The following SLC38A9 variants were observed in gnomAD, a reference collection of about 807,000 sequenced individuals.
The protein encoded by SLC38A9 is solute carrier family 38 member 9.
SLC38A9 carries 48 observed loss-of-function variants against 62.3 expected under a neutral mutation model. The ratio of observed to expected loss-of-function variants is 0.77; its 90% CI spans 0.61 to 0.98. The LOEUF is 0.98. Ranked by LOEUF, SLC38A9 falls within the 50% of genes least tolerant of loss-of-function variation. The pLI, the probability that SLC38A9 is intolerant of heterozygous loss-of-function variation, is 0.00. For missense variants in SLC38A9, 541 were observed against 679.8 expected, an observed-to-expected ratio of 0.80 and a Z score of 2.27; for synonymous variants, 204 against 227.7, an observed-to-expected ratio of 0.90 and a Z score of 0.94.
intron 7 of SLC38A9, among the ~76,000 whole-genome samples, chr5:55,668,888 A>G (rs1750865785): frequency 6.6e-6 from 1 of 152,230 alleles, no homozygotes; most frequent in African/African-American, 2.4e-5. Flanking sequence ...TGAATAGGTC[A>G]AAACAAGTCA....
intron 15 of SLC38A9, among the ~76,000 whole-genome samples, chr5:55,627,036 C>T (rs1431029549): frequency 1.3e-5 from 2 of 152,046 alleles, no homozygotes; most frequent in Non-Finnish European, 2.9e-5. Context: ...GTTAGCATCC[C>T]GGTTTAAGTA....
chr5:55,703,500 A>T (rs1756918911), intron 2 of SLC38A9, among the ~76,000 whole-genome samples: 1 of 152,234 alleles, frequency 6.6e-6, no homozygotes, highest in African/African-American at 2.4e-5. Flanking sequence ...TCTTGACTAT[A>T]AAGTACATAA....
chr5:55,646,286 G>A (rs978642554), intron 11 of SLC38A9, among the ~76,000 whole-genome samples: 8 of 152,038 alleles, frequency 5.3e-5, no homozygotes, highest in Non-Finnish European at 1.0e-4. Flanking sequence ...CAGGGGAATC[G>A]CTTGAACCTA....
chr5:55,690,625 G>A (rs1754592345), intron 3 of SLC38A9, among the ~76,000 whole-genome samples: 1 of 152,084 alleles, frequency 6.6e-6, no homozygotes, highest in African/African-American at 2.4e-5. Flanking sequence ...GTCTTTTGTT[G>A]AACATCTGTA....
At chr5:55,659,973 C>T (rs1191192087) in intron 8 of SLC38A9, among the ~76,000 whole-genome samples, 1 of 150,774 alleles carries the variant, frequency 6.6e-6, no homozygotes, top group African/African-American at 2.4e-5. Flanking sequence ...TCACCGTGTT[C>T]GCCAAGATGG....
At chr5:55,633,981 T>C in intron 13 of SLC38A9, 79 bp from the exon 14 acceptor site, 5 of 1,109,122 alleles carry the variant, frequency 4.5e-6, no homozygotes, top group Non-Finnish European at 6.5e-6. Context: ...GTCTTCTGCT[T>C]ATTTTGAACA....
chr5:55,661,202 T>C (rs941987179), intron 8 of SLC38A9, among the ~76,000 whole-genome samples: 1 of 151,950 alleles, frequency 6.6e-6, no homozygotes, highest in African/African-American at 2.4e-5. Flanking sequence ...CCCAGCACTT[T>C]GGGAGGCCGA....
chr5:55,657,953 T>G (rs1369512160), intron 8 of SLC38A9: 2 of 152,190 alleles, frequency 1.3e-5, no homozygotes, highest in Non-Finnish European at 2.9e-5. Context: ...TGTAATTTCT[T>G]GATGCCAAAG....
chr5:55,638,738 A>G (rs1381604181), intron 12 of SLC38A9, among the ~76,000 whole-genome samples: 1 of 152,214 alleles, frequency 6.6e-6, no homozygotes, highest in East Asian at 1.9e-4. Flanking sequence ...TATATAGCCA[A>G]GTAAACCACA....
chr5:55,658,647 C>A (rs1349478347), intron 8 of SLC38A9, among the ~76,000 whole-genome samples: 1 of 152,134 alleles, frequency 6.6e-6, no homozygotes, highest in African/African-American at 2.4e-5. Flanking sequence ...GCCCTGTTCA[C>A]CCTTTGATTT....
intron 3 of SLC38A9, chr5:55,694,207 C>A (rs868234665): frequency 4.9e-3 from 842 of 171,852 alleles, no homozygotes; most frequent in South Asian, 6.9e-3. Flanking sequence ...GACCCTGTCT[C>A]AAAAAAAAAA....
chr5:55,704,451 T>A (rs1174485289), intron 2 of SLC38A9: 2 of 152,262 alleles, frequency 1.3e-5, no homozygotes, highest in Admixed American at 1.3e-4. Flanking sequence ...CACATGAAAA[T>A]TTTAAAAACC....
intron 9 of SLC38A9, among the ~76,000 whole-genome samples, chr5:55,655,557 C>T (rs1580192197): frequency 6.6e-6 from 1 of 152,274 alleles, no homozygotes; most frequent in East Asian, 1.9e-4. Context: ...TAGTACTTTA[C>T]TCACTCATTT....
chr5:55,642,116 G>T (rs998209098), intron 12 of SLC38A9, among the ~76,000 whole-genome samples: 2 of 152,128 alleles, frequency 1.3e-5, no homozygotes, highest in African/African-American at 2.4e-5. Flanking sequence ...CGCGATCTCG[G>T]CTCACCACAA....
chr5:55,675,447 A>G (rs1751964110), intron 3 of SLC38A9: 1 of 22 alleles, frequency 0.045, no homozygotes, highest in African/African-American at 0.17. Context: ...ATTTGAGAAG[A>G]AAAAATATAA....
chr5:55,683,781 T>G (rs1580340562), intron 3 of SLC38A9, among the ~76,000 whole-genome samples: 1 of 152,190 alleles, frequency 6.6e-6, no homozygotes, highest in East Asian at 1.9e-4. Flanking sequence ...ACACAACAAT[T>G]TACTTATCCA....
At chr5:55,669,652 T>C in intron 5 of SLC38A9, 32 bp from the exon 6 acceptor site, 1 of 1,595,096 alleles carries the variant, frequency 6.3e-7, no homozygotes, top group Non-Finnish European at 8.5e-7. Flanking sequence ...AGTAAAAAAA[T>C]GGAGTTTCAC....
At chr5:55,690,754 T>TTTTACTAGA (rs148601206) in intron 3 of SLC38A9, among the ~76,000 whole-genome samples, 90,548 of 151,384 alleles carry the variant, frequency 0.6, 27,618 homozygotes, top group South Asian at 0.7. Context: ...GTAAATATCA[T>TTTTACTAGA]TGTACTAGAT....
chr5:55,699,901 G>C (rs927669588), intron 2 of SLC38A9, among the ~76,000 whole-genome samples: 3 of 152,030 alleles, frequency 2.0e-5, no homozygotes, highest in Admixed American at 6.6e-5. Context: ...AGAATGAGAT[G>C]GTCTGAAAAG....
Sources: allele counts gnomAD v4.1 joint callset (sites outside exome capture counted in the v4.1 genomes callset), GRCh38; gene constraint gnomAD v4.1.1; transcripts MANE v1.5; gene names NCBI Gene and HGNC (gene_info 2026-07-23, HGNC 2026-07-21).